LRRC37A: variants seen among roughly 807,000 people sequenced by gnomAD.
LRRC37A encodes the protein leucine-rich repeat-containing protein 37A.
A neutral mutation model predicts 35.4 loss-of-function variants in LRRC37A; 3 were observed. That is an observed-to-expected ratio of 0.08 (90% CI 0.04 to 0.22). LRRC37A has a LOEUF of 0.22. LRRC37A is among the 10% of genes least tolerant of loss of function. LRRC37A has a pLI of 1.00. For synonymous variants in LRRC37A, 23 were observed against 215.0 expected (o/e 0.11, Z 7.81); for missense variants, 67 against 565.3 (o/e 0.12, Z 8.94).
At chr17:46,277,785 T>C in the LRRC37A span, among the ~76,000 whole-genome samples, 1 of 152,100 alleles carries the variant, frequency 6.6e-6, no homozygotes, top group Non-Finnish European at 1.5e-5. Flanking sequence ...TAGCTGGGAT[T>C]ACAGGTGCCC....
the LRRC37A span, among the ~76,000 whole-genome samples, chr17:46,252,802 C>G: frequency 6.6e-6 from 1 of 151,672 alleles, no homozygotes; most frequent in East Asian, 1.9e-4. Flanking sequence ...AACCATCCGA[C>G]TTCTCAGTCC....
the LRRC37A span, among the ~76,000 whole-genome samples, chr17:46,277,866 G>A: frequency 6.6e-6 from 1 of 151,892 alleles, no homozygotes; most frequent in Admixed American, 6.6e-5. Context: ...AGGCTGGTCT[G>A]GAACTCCTGA....
the LRRC37A span, among the ~76,000 whole-genome samples, chr17:46,265,513 C>T: frequency 3.2e-5 from 4 of 123,156 alleles, no homozygotes; most frequent in African/African-American, 1.0e-4. Flanking sequence ...GACAGGGTCT[C>T]CGTCACCCAG....
exon 11 of LRRC37A, chr17:46,335,549 G>A (rs763831619): frequency 5.5e-6 from 1 of 182,548 alleles, no homozygotes; most frequent in African/African-American, 1.8e-5. Context: ...AAACAGATAT[G>A]TTGTCACCGA....
chr17:46,327,970 A>G (rs117787287), intron 7 of LRRC37A, among the ~76,000 whole-genome samples: 27,126 of 66,684 alleles, frequency 0.41, 12,559 homozygotes, highest in Non-Finnish European at 0.92. Context: ...TCCAGGTTAA[A>G]CTATTTTTAA....
At chr17:46,272,667 C>T in the LRRC37A span, among the ~76,000 whole-genome samples, 3 of 152,226 alleles carry the variant, frequency 2.0e-5, no homozygotes, top group African/African-American at 4.8e-5. Flanking sequence ...CCCCCTGCCT[C>T]GGCCTCCCAA....
At chr17:46,282,412 TG>T in the LRRC37A span, among the ~76,000 whole-genome samples, 15,413 of 143,956 alleles carry the variant, frequency 0.11, 1 homozygote, top group Non-Finnish European at 0.16. Flanking sequence ...CTCAGTTTTT[TG>T]TTTGTTTTTT....
chr17:46,275,003 C>A, the LRRC37A span: 1 of 157,978 alleles, frequency 6.3e-6, no homozygotes, highest in Non-Finnish European at 1.4e-5. Context: ...AGCGATTCTC[C>A]TGCCTCAGCC....
At chr17:46,261,954 T>C in the LRRC37A span, among the ~76,000 whole-genome samples, 4 of 151,818 alleles carry the variant, frequency 2.6e-5, no homozygotes, top group East Asian at 3.9e-4. Context: ...CAATTATTAT[T>C]ATTATTATTT....
the LRRC37A span, among the ~76,000 whole-genome samples, chr17:46,261,067 T>A: frequency 0.13 from 19,685 of 151,640 alleles, 1 homozygote; most frequent in Middle Eastern, 0.2. Flanking sequence ...GGGGAAAGGA[T>A]GGGAAGGGGG....
rs1457541873 is a variant in LRRC37A at position 46,304,542 on chromosome 17, T to A, written c.2754-967T>A. 1.6e-4 allele frequency among the ~76,000 whole-genome samples: 12 copies of A among 75,578 alleles called. 5 individuals are homozygous for A. Among genetic ancestry groups the A allele is most frequent in the Non-Finnish European group, 4.8e-4 (12 of 25,210 alleles). 49.6% of individuals were successfully genotyped at this position (75,578 alleles called of 152,430 possible). A position where few individuals can be genotyped will look rare whatever the true frequency, so the allele number is the denominator to read the frequency against. On this transcript the variant is annotated intron_variant, in intron 3 of 13. Coordinates refer to ENST00000320254, the Ensembl canonical transcript of LRRC37A. ...ATGACTGTGTGCAGGATAGTTTAGG[T>A]AGGGAGAGACTGGAGATGGAGATAT...
intron 7 of LRRC37A, among the ~76,000 whole-genome samples, chr17:46,323,993 A>G (rs1475963994): frequency 1.9e-5 from 2 of 103,520 alleles, no homozygotes; most frequent in Non-Finnish European, 4.6e-5. Context: ...GCATCTGTGG[A>G]CTTTGGTAAC....
At chr17:46,291,535 T>A (rs1465741897), upstream of LRRC37A, among the ~76,000 whole-genome samples, 1 of 151,580 alleles carries the variant, frequency 6.6e-6, no homozygotes, top group Non-Finnish European at 1.5e-5. Flanking sequence ...TGGGCTACAC[T>A]GGGCTTCAGG....
chr17:46,288,713 T>C (rs2049987402), upstream of LRRC37A, among the ~76,000 whole-genome samples: 1 of 151,810 alleles, frequency 6.6e-6, no homozygotes, highest in South Asian at 2.1e-4. Flanking sequence ...TTTCTTTTTT[T>C]TTTTTTTTGA....
chr17:46,268,682 C>A, the LRRC37A span: 1 of 1,488,760 alleles, frequency 6.7e-7, no homozygotes, highest in Non-Finnish European at 8.9e-7. Context: ...CAATTCATAC[C>A]CAATGCATTT....
the LRRC37A span, among the ~76,000 whole-genome samples, chr17:46,271,164 CT>C: frequency 0.027 from 3,281 of 121,158 alleles, 118 homozygotes; most frequent in African/African-American, 0.094. Context: ...GTAATAGTTT[CT>C]TTTTTTTTTT....
the LRRC37A span, among the ~76,000 whole-genome samples, chr17:46,280,029 A>C: frequency 6.6e-6 from 1 of 152,230 alleles, no homozygotes; most frequent in Admixed American, 6.5e-5. Context: ...CTTGAGTCAG[A>C]GTAATTCTCA....
chr17:46,279,572 G>T, the LRRC37A span, among the ~76,000 whole-genome samples: 1 of 149,788 alleles, frequency 6.7e-6, no homozygotes, highest in Non-Finnish European at 1.5e-5. Flanking sequence ...CATGAACATG[G>T]CTCACTGCAG....
upstream of LRRC37A, among the ~76,000 whole-genome samples, chr17:46,291,416 G>C (rs1309024158): frequency 2.6e-5 from 4 of 152,110 alleles, 1 homozygote; most frequent in Middle Eastern, 0.013. Context: ...GATGCAGAAG[G>C]AGGAAGTGGT....
Sources: gnomAD v4.1 joint callset for allele counts (sites outside exome capture counted in the v4.1 genomes callset) on GRCh38, gnomAD v4.1.1 for gene constraint, MANE v1.5 for transcripts, NCBI Gene and HGNC (gene_info 2026-07-23, HGNC 2026-07-21) for gene names.